Variants in CIMIP3 observed in about 807,000 individuals in gnomAD.
CIMIP3 encodes ciliary microtubule inner protein 3.
At chr6:42,162,154 C>CTGT in the CIMIP3 span, among the ~76,000 whole-genome samples, 2 of 144,310 alleles carry the variant, frequency 1.4e-5, no homozygotes, top group Non-Finnish European at 3.0e-5. Context: ...TGGCTCACGC[C>CTGT]TGTTATCCCA....
chr6:42,156,603 A>G, the CIMIP3 span, among the ~76,000 whole-genome samples: 1 of 152,226 alleles, frequency 6.6e-6, no homozygotes, highest in Non-Finnish European at 1.5e-5. Context: ...AGGTTCAGAC[A>G]GGTATGTGTG....
chr6:42,159,602 C>T, the CIMIP3 span, among the ~76,000 whole-genome samples: 1 of 152,226 alleles, frequency 6.6e-6, no homozygotes, highest in Non-Finnish European at 1.5e-5. Context: ...TCTGGCTGCC[C>T]CGCCCTCCAG....
the CIMIP3 span, among the ~76,000 whole-genome samples, chr6:42,156,439 G>C: frequency 6.6e-6 from 1 of 151,556 alleles, no homozygotes; most frequent in Admixed American, 6.6e-5. Flanking sequence ...GTGAGCCACC[G>C]GGCCCTGCAG....
chr6:42,156,266 G>A, the CIMIP3 span, among the ~76,000 whole-genome samples: 42 of 151,416 alleles, frequency 2.8e-4, no homozygotes, highest in Non-Finnish European at 5.0e-4. Flanking sequence ...AAAGTGCTGG[G>A]ATTACAGGCG....
the CIMIP3 span, among the ~76,000 whole-genome samples, chr6:42,161,910 A>C: frequency 1.3e-5 from 2 of 151,978 alleles, no homozygotes; most frequent in Admixed American, 1.3e-4. Context: ...CTGAAACTCT[A>C]ATGGGAAAGA....
At chr6:42,162,289 C>T in the CIMIP3 span, among the ~76,000 whole-genome samples, 3 of 149,668 alleles carry the variant, frequency 2.0e-5, no homozygotes, top group Admixed American at 6.7e-5. Context: ...TGGCGGGTGC[C>T]TGTAATCCCA....
At chr6:42,156,941 C>T in the CIMIP3 span, among the ~76,000 whole-genome samples, 1 of 152,238 alleles carries the variant, frequency 6.6e-6, no homozygotes, top group Non-Finnish European at 1.5e-5. Flanking sequence ...ACAAGGCCTT[C>T]CCCCAGAGTG....
the CIMIP3 span, chr6:42,163,265 A>G: frequency 1.8e-6 from 1 of 556,982 alleles, no homozygotes; most frequent in Non-Finnish European, 3.3e-6. Context: ...AGCCAAACGG[A>G]AGCCCCCGAC....
At chr6:42,157,046 A>G in the CIMIP3 span, among the ~76,000 whole-genome samples, 1 of 152,232 alleles carries the variant, frequency 6.6e-6, no homozygotes, top group Non-Finnish European at 1.5e-5. Context: ...GAAAACCTGT[A>G]GTAATATCAC....
the CIMIP3 span, among the ~76,000 whole-genome samples, chr6:42,162,496 G>C: frequency 6.6e-6 from 1 of 150,550 alleles, no homozygotes; most frequent in East Asian, 2.0e-4. Context: ...AGGAAGCCCT[G>C]GTGGAGGGCA....
the CIMIP3 span, among the ~76,000 whole-genome samples, chr6:42,158,626 G>A: frequency 6.6e-6 from 1 of 152,232 alleles, no homozygotes; most frequent in East Asian, 1.9e-4. Flanking sequence ...TTACTTACAT[G>A]CTATTCTACA....
At chr6:42,159,506 G>A in the CIMIP3 span, among the ~76,000 whole-genome samples, 1 of 152,130 alleles carries the variant, frequency 6.6e-6, no homozygotes, top group South Asian at 2.1e-4. Context: ...ACTTCCCAGT[G>A]TGTTGTTCTG....
chr6:42,159,568 C>T, the CIMIP3 span, among the ~76,000 whole-genome samples: 1 of 152,256 alleles, frequency 6.6e-6, no homozygotes, highest in Admixed American at 6.5e-5. Flanking sequence ...CAAAATCCCA[C>T]AGTGTTCTTG....
the CIMIP3 span, among the ~76,000 whole-genome samples, chr6:42,162,364 G>A: frequency 2.6e-5 from 4 of 151,548 alleles, no homozygotes; most frequent in East Asian, 2.0e-4. Context: ...GCAGTGAGCC[G>A]AGATCGTGCC....
chr6:42,162,409 CTTTT>C, the CIMIP3 span, among the ~76,000 whole-genome samples: 4 of 134,780 alleles, frequency 3.0e-5, no homozygotes, highest in African/African-American at 8.4e-5. Context: ...GAGCGAAACT[CTTTT>C]TTTTTTTTTT....
the CIMIP3 span, among the ~76,000 whole-genome samples, chr6:42,159,001 G>C: frequency 6.6e-6 from 1 of 152,170 alleles, no homozygotes; most frequent in East Asian, 1.9e-4. Flanking sequence ...GCGTCAGGAG[G>C]ACAAAACCCA....
chr6:42,158,534 C>T, the CIMIP3 span, among the ~76,000 whole-genome samples: 1 of 152,228 alleles, frequency 6.6e-6, no homozygotes, highest in East Asian at 1.9e-4. Context: ...TGGGCCCAAG[C>T]CAGGGCCTGG....
At chr6:42,158,331 G>C in the CIMIP3 span, among the ~76,000 whole-genome samples, 2 of 152,166 alleles carry the variant, frequency 1.3e-5, no homozygotes, top group Non-Finnish European at 2.9e-5. Flanking sequence ...GCAGGGGAGG[G>C]CTAGTGCTGC....
the CIMIP3 span, among the ~76,000 whole-genome samples, chr6:42,162,090 C>CTTTTTTTTT: frequency 1.9e-4 from 12 of 63,086 alleles, no homozygotes; most frequent in African/African-American, 7.9e-4. Context: ...AAGCCACATT[C>CTTTTTTTTT]TTTTTTTTTT....
Sources: allele counts gnomAD v4.1 joint callset (sites outside exome capture counted in the v4.1 genomes callset), GRCh38; gene constraint gnomAD v4.1.1; transcripts MANE v1.5; gene names NCBI Gene and HGNC (gene_info 2026-07-23, HGNC 2026-07-21).